FNBP4: variants seen among roughly 807,000 people sequenced by gnomAD.
FNBP4 encodes formin-binding protein 4.
In FNBP4, 34 loss-of-function variants were observed where a neutral mutation model predicts 119.3. The ratio of observed to expected loss-of-function variants is 0.28; its 90% confidence interval spans 0.22 to 0.38. FNBP4 has a LOEUF of 0.38. Ranked by LOEUF, FNBP4 falls within the 10% of genes least tolerant of loss-of-function variation. The pLI, the probability that FNBP4 is intolerant of heterozygous loss-of-function variation, is 1.00. For synonymous variants in FNBP4, 462 were observed against 430.6 expected (o/e 1.07, Z -0.90); for missense variants, 1,112 against 1,228.9 (o/e 0.90, Z 1.42).
chr11:47,766,609 G>A (rs1043792000), intron 1 of FNBP4, among the ~76,000 whole-genome samples: 1 of 152,200 alleles, frequency 6.6e-6, no homozygotes, highest in African/African-American at 2.4e-5. Flanking sequence ...TGCTAGTGTG[G>A]GGATGCTTAC....
chr11:47,764,459 T>G (rs773062994), intron 2 of FNBP4, among the ~76,000 whole-genome samples: 1 of 152,066 alleles, frequency 6.6e-6, no homozygotes, highest in Non-Finnish European at 1.5e-5. Flanking sequence ...AATGGTATAA[T>G]GTAGTTCTGA....
rs1203067987 is a variant in FNBP4 at position 47,750,978 on chromosome 11, T to C, written c.844A>G (p.Lys282Glu). 8 of 1,614,002 alleles carry C rather than the reference T, an allele frequency of 5.0e-6. No homozygotes were observed. Among genetic ancestry groups the C allele is most frequent in the Non-Finnish European group, 6.8e-6 (8 of 1,179,968 alleles). ...VVNTDIYSKE[K>E]TISVSSSKSG... ...TTACTACTGGAAACAGAAATCGTTT[T>C]CTCCTTAGAATATATGTCTGTATTT... Residue 282 changes from lysine to glutamate, a missense_variant, in exon 6 of 17, where the codon AAA (lysine) becomes GAA (glutamate). By Grantham distance (56) the Lys-to-Glu change is moderately conservative. Transcript: ENST00000263773.
intron 4 of FNBP4, among the ~76,000 whole-genome samples, chr11:47,752,152 G>A (rs181825640): frequency 1.2e-4 from 18 of 152,156 alleles, no homozygotes; most frequent in African/African-American, 3.1e-4. Context: ...GGTTGGGCGC[G>A]GTGGCTCAAA....
At position 47,767,157 on chromosome 11, in the gene FNBP4, C is replaced by G; in HGVS notation, c.132G>C (p.Ala44=). 1 of 1,547,678 alleles carries G rather than the reference C, an allele frequency of 6.5e-7. No homozygotes were observed. Among genetic ancestry groups the G allele is most frequent in the Non-Finnish European group, 8.7e-7 (1 of 1,151,860 alleles). The change falls in exon 1 of 17, where the codon GCG becomes GCC. Residue 44 remains alanine, a synonymous_variant. Transcript: ENST00000263773. ...CCGACGGGGCGGGCTGGCTGGGGAC[C>G]GCCGCGGTTGAGTCCGGCTCAGTGT... ...EPDTEPDSTA[A]VPSQPAPSAA...
At chr11:47,744,245 G>T in intron 7 of FNBP4, 82 bp from the exon 8 acceptor site, 2 of 1,231,620 alleles carry the variant, frequency 1.6e-6, no homozygotes, top group Non-Finnish European at 2.3e-6. Flanking sequence ...AGACTATGTT[G>T]TTGAAATTTA....
intron 3 of FNBP4, among the ~76,000 whole-genome samples, chr11:47,753,372 C>T (rs1279980587): frequency 6.6e-6 from 1 of 151,898 alleles, no homozygotes; most frequent in Non-Finnish European, 1.5e-5. Flanking sequence ...GCATTCTGGG[C>T]GGCCAAGGCG....
chr11:47,724,318 G>C, intron 13 of FNBP4, 146 bp from the exon 14 acceptor site: 3 of 1,519,074 alleles, frequency 2.0e-6, no homozygotes, highest in Non-Finnish European at 2.7e-6. Flanking sequence ...CTGGGCTTAA[G>C]CAATCCTCCT....
rs1431493820 is a variant in FNBP4 at position 47,743,948 on chromosome 11, AT to A, written c.1456+4del. 1 of 1,613,184 alleles carries A rather than the reference AT, an allele frequency of 6.2e-7. No individual in the cohort carries two copies. The highest frequency in any genetic ancestry group is 8.5e-7 in the Non-Finnish European group (1 of 1,179,390). On this transcript the variant is annotated splice_donor_region_variant and intron_variant, in intron 8 of 16. Transcript: ENST00000263773. ...CTCTGAAGTTTAATGTGAAGCACAA[AT>A]TACCAGTTTCTCCATTTTCTGGAGT...
rs542967100 is a variant in FNBP4 at position 47,755,919 on chromosome 11, A to C, written c.314-1255T>G. On this transcript the variant is annotated intron_variant, in intron 2 of 16. Coordinates refer to ENST00000263773, the MANE Select transcript of FNBP4 (RefSeq NM_015308.5). ...ATAGATAGTATATCTTGATTTTAGA[A>C]TTTGGTGATTAAAGTGTTTACTTCA... is the stretch of plus-strand genomic sequence containing the variant. Among the ~76,000 whole-genome samples the C allele has an allele frequency of 3.3e-5, 5 of 152,346 alleles. 1 individual carries two copies. The East Asian group carries it at 9.6e-4, about 29-fold the overall frequency.
At chr11:47,734,362 C>A (rs1284230207) in intron 9 of FNBP4, among the ~76,000 whole-genome samples, 1 of 152,110 alleles carries the variant, frequency 6.6e-6, no homozygotes, top group East Asian at 1.9e-4. Context: ...TACATAATCA[C>A]AATGCATTTT....
At chr11:47,742,032 CGTT>C (rs1237656261) in intron 8 of FNBP4, among the ~76,000 whole-genome samples, 7 of 152,000 alleles carry the variant, frequency 4.6e-5, no homozygotes, top group African/African-American at 9.7e-5. Context: ...TTTTAAGGCA[CGTT>C]GTTAAGTGAA....
intron 4 of FNBP4, 76 bp downstream of exon 4, chr11:47,752,840 A>AACAG (rs1228553045): frequency 1.5e-6 from 2 of 1,360,860 alleles, no homozygotes; most frequent in Non-Finnish European, 2.0e-6. Context: ...CAAACAAACA[A>AACAG]AAAACCAGAA....
At chr11:47,731,215 C>T in intron 12 of FNBP4, 159 bp downstream of exon 12, 2 of 628,500 alleles carry the variant, frequency 3.2e-6, no homozygotes, top group South Asian at 3.3e-5. Flanking sequence ...TGCTGATTTC[C>T]AACCATAATA....
chr11:47,742,157 C>G (rs2097582956), intron 8 of FNBP4, among the ~76,000 whole-genome samples: 1 of 151,960 alleles, frequency 6.6e-6, no homozygotes, highest in African/African-American at 2.4e-5. Context: ...AGAACATGGT[C>G]TGGAAGGATA....
At chr11:47,751,740 TC>T (rs1412254063) in intron 4 of FNBP4, among the ~76,000 whole-genome samples, 1 of 151,844 alleles carries the variant, frequency 6.6e-6, no homozygotes, top group Non-Finnish European at 1.5e-5. Flanking sequence ...TCACCTAAGG[TC>T]GGGAGTTTGA....
intron 7 of FNBP4, among the ~76,000 whole-genome samples, chr11:47,744,558 G>A (rs762253520): frequency 6.6e-5 from 10 of 151,916 alleles, no homozygotes; most frequent in Non-Finnish European, 1.2e-4. Flanking sequence ...CACTGCACTC[G>A]GCCTACTCAC....
chr11:47,750,711 A>AAAG (rs2097601129), intron 6 of FNBP4, among the ~76,000 whole-genome samples: 2 of 120,776 alleles, frequency 1.7e-5, no homozygotes, highest in Non-Finnish European at 3.5e-5. Flanking sequence ...AAAAAAAAAA[A>AAAG]AAAAAAGAAA....
chr11:47,762,062 TC>T (rs1444239332), intron 2 of FNBP4, among the ~76,000 whole-genome samples: 1 of 151,670 alleles, frequency 6.6e-6, no homozygotes, highest in Non-Finnish European at 1.5e-5. Context: ...GGTCTCGAAC[TC>T]CAGACCTCAG....
At chr11:47,762,330 T>C (rs1028866533) in intron 2 of FNBP4, among the ~76,000 whole-genome samples, 2 of 151,964 alleles carry the variant, frequency 1.3e-5, no homozygotes, top group South Asian at 2.1e-4. Context: ...GGTTTCACTA[T>C]GTTGGCCAGG....
Sources: gnomAD v4.1 joint callset for allele counts (sites outside exome capture counted in the v4.1 genomes callset) on GRCh38, gnomAD v4.1.1 for gene constraint, MANE v1.5 for transcripts, NCBI Gene and HGNC (gene_info 2026-07-23, HGNC 2026-07-21) for gene names.